The following MAGED1 variants were observed in gnomAD, a reference collection of about 807,000 sequenced individuals.
MAGED1 encodes MAGE family member D1.
MAGED1 carries 3 observed loss-of-function variants against 54.1 expected under a neutral mutation model. The ratio of observed to expected loss-of-function variants is 0.06; its 90% CI spans 0.03 to 0.14. The LOEUF (loss-of-function observed/expected upper bound fraction) is 0.14. Among genes scored for constraint, MAGED1 ranks in the 10% least tolerant of loss-of-function variants. The pLI is 1.00. For missense variants in MAGED1, 485 were observed against 623.4 expected (o/e 0.78, Z 2.36); for synonymous variants, 217 against 227.3 (o/e 0.95, Z 0.41).
rs1181705282 is a variant in MAGED1 at position 51,902,163 on chromosome X, A to G, written c.*26A>G. ...GTTCACAGATATTGCTATCAATCGCAGTAGTCTTTCCCCTGTGTGAGGCTG... is the reference window on the plus strand; with the variant it reads ...GTTCACAGATATTGCTATCAATCGCGGTAGTCTTTCCCCTGTGTGAGGCTG... On this transcript the variant is annotated 3_prime_UTR_variant, in exon 13 of 13. Coordinates refer to ENST00000326587, the MANE Select transcript of MAGED1 (RefSeq NM_006986.4). The G allele has an allele frequency of 3.1e-6, 1 of 317,462 alleles. No homozygotes were observed. Among genetic ancestry groups the G allele is most frequent in the Non-Finnish European group, 5.4e-6 (1 of 185,601 alleles). 26.2% of individuals were successfully genotyped at this position (317,462 alleles called of 1,213,427 possible).
intron 1 of MAGED1, among the ~76,000 whole-genome samples, chrX:51,877,013 G>A (rs1393466606): frequency 1.8e-5 from 2 of 110,556 alleles, no homozygotes; most frequent in Non-Finnish European, 3.8e-5. Flanking sequence ...CTAAATATAC[G>A]TTTCTGAATT....
At chrX:51,847,285 G>A (rs1926720989) in intron 1 of MAGED1, among the ~76,000 whole-genome samples, 1 of 111,404 alleles carries the variant, frequency 9.0e-6, no homozygotes, top group South Asian at 3.8e-4. Flanking sequence ...TTTGGGTCAC[G>A]TTTTTGGACA....
intron 1 of MAGED1, among the ~76,000 whole-genome samples, chrX:51,836,017 C>T (rs993669897): frequency 9.0e-6 from 1 of 110,961 alleles, no homozygotes; most frequent in Non-Finnish European, 1.9e-5. Context: ...TCCAATTTGT[C>T]GTATTTTTAA....
intron 1 of MAGED1, among the ~76,000 whole-genome samples, chrX:51,836,674 C>T (rs1180200532): frequency 9.2e-6 from 1 of 108,838 alleles, no homozygotes; most frequent in Non-Finnish European, 1.9e-5. Flanking sequence ...GGTTTTACGC[C>T]ATTCTCCTGC....
chrX:51,817,371 C>T (rs782491109), intron 1 of MAGED1, among the ~76,000 whole-genome samples: 5 of 111,870 alleles, frequency 4.5e-5, no homozygotes, highest in Non-Finnish European at 9.4e-5. Flanking sequence ...ATTACCATAA[C>T]GCTAATGTTG....
rs1557364170 is a variant in MAGED1, at chrX:51,895,753, C to T, written c.746C>T (p.Thr249Ile). 8.6e-7 allele frequency: 1 copy of T among 1,165,452 alleles called. No homozygotes were observed. Among genetic ancestry groups the T allele is most frequent in the Admixed American group, 2.5e-5 (1 of 39,439 alleles). Reference protein sequence around the residue: ...ESRTIIRGKRTRKINNLNVEE... With the variant: ...ESRTIIRGKRIRKINNLNVEE... ...CGGACAATAATTCGGGGCAAGAGGACCCGCAAGGTGAGATCTCTGCTAACT... is the reference window on the plus strand; with the variant it reads ...CGGACAATAATTCGGGGCAAGAGGATCCGCAAGGTGAGATCTCTGCTAACT... The change falls in exon 3 of 13, where the codon ACC becomes ATC. Residue 249 changes from threonine (T) to isoleucine (I), a missense_variant. Thr to Ile is a moderately conservative substitution (Grantham distance 89). Transcript: ENST00000326587.
intron 1 of MAGED1, among the ~76,000 whole-genome samples, chrX:51,866,134 T>G (rs1305055306): frequency 8.9e-6 from 1 of 112,462 alleles, no homozygotes; most frequent in Non-Finnish European, 1.9e-5. Flanking sequence ...AGCTTTGAGC[T>G]CTAGAAAGTT....
chrX:51,841,212 T>C (rs1278856939), intron 1 of MAGED1, among the ~76,000 whole-genome samples: 1 of 111,338 alleles, frequency 9.0e-6, no homozygotes, highest in African/African-American at 3.3e-5. Flanking sequence ...TTCATGTGTG[T>C]TTTGGCTGCA....
chrX:51,896,530 C>A lies in MAGED1; in HGVS notation c.875C>A (p.Pro292His), dbSNP rs782816205. 5 of 1,212,005 alleles carry A rather than the reference C, an allele frequency of 4.1e-6. No individual in the cohort carries two copies. Among genetic ancestry groups the A allele is most frequent in the Non-Finnish European group, 3.3e-6 (3 of 895,538 alleles). Residue 292 changes from proline (P) to histidine (H), a missense_variant, in exon 4 of 13, where the codon CCC becomes CAC. By Grantham distance (77) the Pro-to-His change is moderately conservative (BLOSUM62 -2). Transcript: ENST00000326587. ...VTTQNPPGAP[P>H]NVLWQTPLAW... ...ACTCAGAACCCACCTGGCGCACCCCCCAATGTGCTCTGGCAGACGCCATTG... is the reference window on the plus strand; with the variant it reads ...ACTCAGAACCCACCTGGCGCACCCCACAATGTGCTCTGGCAGACGCCATTG...
intron 1 of MAGED1, among the ~76,000 whole-genome samples, chrX:51,882,837 C>T (rs781821286): frequency 4.5e-5 from 5 of 110,685 alleles, no homozygotes; most frequent in Admixed American, 9.6e-5. Context: ...ATTACAGGCA[C>T]GTGCCACCAC....
intron 1 of MAGED1, among the ~76,000 whole-genome samples, chrX:51,812,153 C>T (rs782646124): frequency 2.8e-5 from 3 of 107,702 alleles, no homozygotes; most frequent in East Asian, 2.9e-4. Context: ...GCACATGTAC[C>T]CTAAAACTTA....
upstream of MAGED1, among the ~76,000 whole-genome samples, chrX:51,891,741 GTTAAT>G (rs1292620174): frequency 3.6e-5 from 4 of 112,290 alleles, no homozygotes; most frequent in Non-Finnish European, 7.5e-5. Flanking sequence ...TTTGGGACCT[GTTAAT>G]TTAGAGAATA....
chrX:51,847,639 C>T (rs1026081713), intron 1 of MAGED1, among the ~76,000 whole-genome samples: 2 of 111,138 alleles, frequency 1.8e-5, no homozygotes, highest in Non-Finnish European at 3.8e-5. Context: ...ACACAGGAAC[C>T]GAAGATGAAG....
intron 1 of MAGED1, among the ~76,000 whole-genome samples, chrX:51,842,187 A>G (rs1446368964): frequency 8.9e-6 from 1 of 112,134 alleles, no homozygotes; most frequent in Non-Finnish European, 1.9e-5. Context: ...AAAACTTACA[A>G]GCCTGTTAGT....
intron 1 of MAGED1, among the ~76,000 whole-genome samples, chrX:51,812,239 G>A (rs1223085482): frequency 9.0e-6 from 1 of 111,255 alleles, no homozygotes; most frequent in Non-Finnish European, 1.9e-5. Flanking sequence ...CTGTGAGTGG[G>A]ACCAGAGAGC....
At chrX:51,843,271 A>G (rs1926573194) in intron 1 of MAGED1, among the ~76,000 whole-genome samples, 1 of 111,775 alleles carries the variant, frequency 8.9e-6, no homozygotes, top group Non-Finnish European at 1.9e-5. Flanking sequence ...ACTTGTCAGT[A>G]TGTTAATTTA....
chrX:51,810,633 C>G (rs782158288), intron 1 of MAGED1, among the ~76,000 whole-genome samples: 1 of 111,621 alleles, frequency 9.0e-6, no homozygotes, highest in Non-Finnish European at 1.9e-5. Flanking sequence ...GTGAACAGTA[C>G]TGTGTTCATA....
At chrX:51,828,870 A>G (rs1270903816) in intron 1 of MAGED1, among the ~76,000 whole-genome samples, 1 of 111,519 alleles carries the variant, frequency 9.0e-6, no homozygotes, top group Non-Finnish European at 1.9e-5. Flanking sequence ...TAGTCTGTAT[A>G]AAAATACTTA....
chrX:51,900,026 T>C lies in MAGED1; in HGVS notation c.1845-156T>C, dbSNP rs782167745. The stretch of plus-strand genomic sequence containing the variant: ...GCGTTCTAGTGCAGGAATTTAAGGC[T>C]TGATGATTAAGGGGTAAATACCCTG... On this transcript the variant is annotated intron_variant, in intron 10 of 12. Coordinates refer to ENST00000326587, the MANE Select transcript of MAGED1 (RefSeq NM_006986.4). 4 of 443,786 alleles carry C rather than the reference T, an allele frequency of 9.0e-6. No individual in the cohort carries two copies. In the East Asian group the frequency reaches 1.7e-4, roughly 19 times the overall value. The allele number at this position is 443,786 out of a possible 1,213,427, so 36.6% of individuals were successfully genotyped here. A position where few individuals can be genotyped will look rare whatever the true frequency, so the allele number is the denominator to read the frequency against.
Sources: allele counts gnomAD v4.1 joint callset (sites outside exome capture counted in the v4.1 genomes callset), GRCh38; gene constraint gnomAD v4.1.1; transcripts MANE v1.5; gene names NCBI Gene and HGNC (gene_info 2026-07-23, HGNC 2026-07-21).